The following CHCHD6 variants were observed in gnomAD, a reference collection of about 807,000 sequenced individuals.
CHCHD6 encodes the protein MICOS complex subunit MIC25.
In CHCHD6, 28 loss-of-function variants were observed where a neutral mutation model predicts 32.3. That is an observed-to-expected ratio of 0.87 (90% CI 0.64 to 1.19). The LOEUF is 1.19. Ranked by LOEUF, CHCHD6 falls within the 50% of genes most tolerant of loss-of-function variation. The probability of loss-of-function intolerance (pLI) is 0.00; values close to 1 mark genes in which losing one functional copy is unlikely to be tolerated. For synonymous variants in CHCHD6, 122 were observed against 117.5 expected, an observed-to-expected ratio of 1.04 and a Z score of -0.25; for missense variants, 333 against 307.0, an observed-to-expected ratio of 1.08 and a Z score of -0.63.
At chr3:126,801,530 G>C (rs1176268241) in intron 4 of CHCHD6, among the ~76,000 whole-genome samples, 1 of 152,234 alleles carries the variant, frequency 6.6e-6, no homozygotes, top group African/African-American at 2.4e-5. Flanking sequence ...ACATTGCCCA[G>C]GCTTGCTTAG....
At chr3:126,936,592 G>A (rs1473304343) in intron 6 of CHCHD6, among the ~76,000 whole-genome samples, 2 of 152,020 alleles carry the variant, frequency 1.3e-5, no homozygotes, top group Non-Finnish European at 2.9e-5. Context: ...GTCTTGCTCT[G>A]TTGCCCAGGC....
intron 4 of CHCHD6, among the ~76,000 whole-genome samples, chr3:126,753,060 G>A (rs1333447383): frequency 1.3e-5 from 2 of 152,152 alleles, no homozygotes; most frequent in African/African-American, 2.4e-5. Flanking sequence ...CCTTGCACTA[G>A]TCCTTCTCTT....
intron 5 of CHCHD6, among the ~76,000 whole-genome samples, chr3:126,905,495 C>T (rs1236915802): frequency 3.3e-5 from 5 of 152,008 alleles, no homozygotes; most frequent in East Asian, 3.9e-4. Context: ...AGGGACAGTG[C>T]CAAGATTGTT....
At chr3:126,715,034 G>C (rs796579718) in intron 1 of CHCHD6, among the ~76,000 whole-genome samples, 1 of 152,170 alleles carries the variant, frequency 6.6e-6, no homozygotes, top group South Asian at 2.1e-4. Flanking sequence ...CATTCGACTA[G>C]TTTTTAAAGT....
chr3:126,767,899 C>G (rs965890479), intron 4 of CHCHD6, among the ~76,000 whole-genome samples: 2 of 152,170 alleles, frequency 1.3e-5, no homozygotes, highest in Non-Finnish European at 2.9e-5. Flanking sequence ...CCTCCAGCTC[C>G]ATCTATGTTG....
intron 5 of CHCHD6, among the ~76,000 whole-genome samples, chr3:126,907,510 A>G (rs1367038800): frequency 1.3e-5 from 2 of 152,134 alleles, no homozygotes; most frequent in Non-Finnish European, 2.9e-5. Flanking sequence ...GGTTTTTACT[A>G]TTTTCACATC....
intron 7 of CHCHD6, among the ~76,000 whole-genome samples, chr3:126,959,757 C>T (rs1386336594): frequency 3.3e-5 from 5 of 152,238 alleles, no homozygotes; most frequent in African/African-American, 1.2e-4. Flanking sequence ...AGGACCCTGA[C>T]TGTGCGGACC....
intron 4 of CHCHD6, among the ~76,000 whole-genome samples, chr3:126,816,267 A>G (rs1307333456): frequency 6.6e-6 from 1 of 152,072 alleles, no homozygotes; most frequent in Non-Finnish European, 1.5e-5. Context: ...GAAGCTGAGC[A>G]CTGAGCCAGG....
chr3:126,813,901 G>T (rs994122855), intron 4 of CHCHD6, among the ~76,000 whole-genome samples: 1 of 152,224 alleles, frequency 6.6e-6, no homozygotes, highest in Non-Finnish European at 1.5e-5. Context: ...GAAGCTATTA[G>T]TTCTAGGTCT....
chr3:126,893,828 G>A (rs1360174828), intron 5 of CHCHD6, among the ~76,000 whole-genome samples: 1 of 152,230 alleles, frequency 6.6e-6, no homozygotes, highest in Non-Finnish European at 1.5e-5. Flanking sequence ...TCAAAAACAG[G>A]TGCCTGAAAG....
intron 6 of CHCHD6, chr3:126,953,223 C>T (rs1297665430): frequency 1.2e-5 from 9 of 734,638 alleles, no homozygotes; most frequent in Non-Finnish European, 1.5e-5. Flanking sequence ...TTCCACTAGA[C>T]CAAGAGTCCC....
At chr3:126,866,496 G>A (rs1409405501) in intron 5 of CHCHD6, among the ~76,000 whole-genome samples, 1 of 152,202 alleles carries the variant, frequency 6.6e-6, no homozygotes, top group Non-Finnish European at 1.5e-5. Flanking sequence ...AAAGAAACAG[G>A]CTTGGAAATC....
intron 5 of CHCHD6, among the ~76,000 whole-genome samples, chr3:126,909,336 G>A (rs563582231): frequency 7.9e-5 from 12 of 152,210 alleles, no homozygotes; most frequent in South Asian, 2.1e-4. Context: ...CTCCCACCCC[G>A]CACCTGTATT....
At chr3:126,820,377 C>G (rs1940096079) in intron 4 of CHCHD6, among the ~76,000 whole-genome samples, 1 of 152,210 alleles carries the variant, frequency 6.6e-6, no homozygotes, top group Non-Finnish European at 1.5e-5. Flanking sequence ...TGAGGACCCT[C>G]TTCTAATCAT....
chr3:126,875,826 A>G (rs2077532723), intron 5 of CHCHD6, among the ~76,000 whole-genome samples: 1 of 152,212 alleles, frequency 6.6e-6, no homozygotes, highest in Non-Finnish European at 1.5e-5. Context: ...GAAAAATCAC[A>G]TCCTGTCACA....
At chr3:126,869,310 T>TTTTTTTTTTTTTTTTTG (rs2077433307) in intron 5 of CHCHD6, among the ~76,000 whole-genome samples, 1 of 149,064 alleles carries the variant, frequency 6.7e-6, no homozygotes, top group African/African-American at 2.4e-5. Flanking sequence ...TTTTTTTTTT[T>TTTTTTTTTTTTTTTTTG]GATGACTGTG....
intron 4 of CHCHD6, among the ~76,000 whole-genome samples, chr3:126,844,808 G>T (rs1941236899): frequency 6.6e-6 from 1 of 152,120 alleles, no homozygotes; most frequent in South Asian, 2.1e-4. Flanking sequence ...ATCCAGGTGG[G>T]TTCAGTGTAA....
Position 126,747,960 on chromosome 3 carries a change from G to A in CHCHD6, c.411+14738G>A, listed in dbSNP as rs1057356921. On this transcript the variant is annotated intron_variant, in intron 4 of 7. Transcript: ENST00000290913. ...TGCTGCCTTGCCGTCCTCTTGCTGCGCTCCAGCAGCACCCTCCTGTGCCCT... is the reference window on the plus strand; with the variant it reads ...TGCTGCCTTGCCGTCCTCTTGCTGCACTCCAGCAGCACCCTCCTGTGCCCT... Among the ~76,000 whole-genome samples, 5 of 152,024 alleles carry A rather than the reference G, an allele frequency of 3.3e-5. No individual in the cohort carries two copies. The South Asian group carries it at 6.2e-4, about 19-fold the overall frequency.
chr3:126,850,964 C>G (rs983059212), intron 4 of CHCHD6, among the ~76,000 whole-genome samples: 21 of 152,206 alleles, frequency 1.4e-4, no homozygotes, highest in African/African-American at 5.1e-4. Flanking sequence ...ATTCCAGAAG[C>G]CTTCCTGGCA....
Sources: gnomAD v4.1 joint callset for allele counts (sites outside exome capture counted in the v4.1 genomes callset) on GRCh38, gnomAD v4.1.1 for gene constraint, MANE v1.5 for transcripts, NCBI Gene and HGNC (gene_info 2026-07-23, HGNC 2026-07-21) for gene names.